ADAMTS20: variants seen among roughly 807,000 people sequenced by gnomAD.
The protein encoded by ADAMTS20 is A disintegrin and metalloproteinase with thrombospondin motifs 20.
Under a neutral mutation model 260.1 loss-of-function variants are expected in ADAMTS20, and 225 were observed. That is an observed-to-expected ratio of 0.87 (90% CI 0.78 to 0.97). The LOEUF (loss-of-function observed/expected upper bound fraction) is 0.97, where lower values mean the gene tolerates loss of function less well. Among genes scored for constraint, ADAMTS20 ranks in the 50% least tolerant of loss-of-function variants. The pLI is 0.00. For missense variants in ADAMTS20, 2,400 were observed against 2,337.7 expected, an observed-to-expected ratio of 1.03 and a Z score of -0.55; for synonymous variants, 802 against 769.5, an observed-to-expected ratio of 1.04 and a Z score of -0.70.
In ADAMTS20 at chr12:43,388,874, G is replaced by A. The variant is rs1305656038; in HGVS notation, c.4453-4897C>T. Reference sequence around the variant, plus strand: ...CTGGCAGATTCTACATCCAGTGAGAGTCCACTTTCTGGTTCCTACAGGGCA... The same window carrying A: ...CTGGCAGATTCTACATCCAGTGAGAATCCACTTTCTGGTTCCTACAGGGCA... On this transcript the variant is annotated intron_variant, in intron 29 of 38. Coordinates refer to ENST00000389420, the MANE Select transcript of ADAMTS20 (RefSeq NM_025003.5). Among the ~76,000 whole-genome samples, 5 of 152,204 alleles carry A rather than the reference G, an allele frequency of 3.3e-5. No homozygotes were observed. The East Asian group carries it at 9.6e-4, about 29-fold the overall frequency.
chr12:43,458,819 C>T (rs1942010880), intron 11 of ADAMTS20, among the ~76,000 whole-genome samples: 1 of 152,116 alleles, frequency 6.6e-6, no homozygotes, highest in South Asian at 2.1e-4. Context: ...GCTGGATTAC[C>T]TAGGCTGACT....
intron 29 of ADAMTS20, among the ~76,000 whole-genome samples, chr12:43,384,722 T>G (rs1413217518): frequency 6.6e-6 from 1 of 152,204 alleles, no homozygotes; most frequent in Admixed American, 6.5e-5. Flanking sequence ...TTTCTGTTCC[T>G]GTGTTAGTTT....
intron 5 of ADAMTS20, 48 bp from the exon 6 acceptor site, chr12:43,492,677 C>T: frequency 3.1e-6 from 5 of 1,597,988 alleles, no homozygotes; most frequent in Non-Finnish European, 4.3e-6. Flanking sequence ...TTAACGTCCT[C>T]TTTTCCTTCC....
chr12:43,419,983 A>G (rs762446076), intron 28 of ADAMTS20, among the ~76,000 whole-genome samples: 5 of 152,212 alleles, frequency 3.3e-5, no homozygotes, highest in Admixed American at 6.5e-5. Context: ...TTATTCTTTT[A>G]TGGTAGGGAA....
At chr12:43,445,463 A>C (rs1284563585) in intron 15 of ADAMTS20, among the ~76,000 whole-genome samples, 1 of 152,208 alleles carries the variant, frequency 6.6e-6, no homozygotes, top group African/African-American at 2.4e-5. Flanking sequence ...ATAAAAACAT[A>C]AATATTAAGT....
rs377652033 is a variant in ADAMTS20 at position 43,472,837 on chromosome 12, C to T, written c.1118-4132G>A. Among the ~76,000 whole-genome samples, 295 of 150,180 alleles carry T rather than the reference C, an allele frequency of 2.0e-3. 1 individual carries two copies. Among genetic ancestry groups the T allele is most frequent in the Middle Eastern group, 6.9e-3 (2 of 288 alleles). Reference sequence around the variant, plus strand: ...GCCCTAAAAGAGCTCCTGAAGGAAGCGCTAAACATGGAAAGGAACAACCGG... The same window carrying T: ...GCCCTAAAAGAGCTCCTGAAGGAAGTGCTAAACATGGAAAGGAACAACCGG... On this transcript the variant is annotated intron_variant, in intron 7 of 38. Coordinates refer to ENST00000389420, the MANE Select transcript of ADAMTS20 (RefSeq NM_025003.5).
rs146814389 is a variant in ADAMTS20, at chr12:43,478,318, A to G, written c.1118-9613T>C. On this transcript the variant is annotated intron_variant, in intron 7 of 38. Coordinates refer to ENST00000389420, the MANE Select transcript of ADAMTS20 (RefSeq NM_025003.5). ...CATAGCTAAAGAGAGAGCCAAATATACTAATTTATATTAGTAAAATGGAAA... is the reference window on the plus strand; with the variant it reads ...CATAGCTAAAGAGAGAGCCAAATATGCTAATTTATATTAGTAAAATGGAAA... Among the ~76,000 whole-genome samples the G allele has an allele frequency of 7.4e-3, 1,120 of 152,148 alleles. 18 individuals are homozygous for G. The highest frequency in any genetic ancestry group is 0.026 in the African/African-American group (1,096 of 41,556).
intron 3 of ADAMTS20, among the ~76,000 whole-genome samples, chr12:43,530,141 C>T (rs560299241): frequency 8.6e-5 from 13 of 151,994 alleles, no homozygotes; most frequent in African/African-American, 2.9e-4. Flanking sequence ...TTATTTGTAG[C>T]TTTCTAGTAA....
At chr12:43,545,405 C>A (rs1943429262) in intron 2 of ADAMTS20, among the ~76,000 whole-genome samples, 1 of 152,190 alleles carries the variant, frequency 6.6e-6, no homozygotes, top group Non-Finnish European at 1.5e-5. Context: ...CACGAGAAGT[C>A]CTTGAATTTT....
intron 31 of ADAMTS20, among the ~76,000 whole-genome samples, chr12:43,383,106 AG>A (rs1487558617): frequency 4.6e-5 from 7 of 152,056 alleles, no homozygotes; most frequent in South Asian, 2.1e-4. Flanking sequence ...GGGAAAAGAG[AG>A]GGGGGAAAGA....
At chr12:43,467,653 C>T (rs1942179169) in intron 8 of ADAMTS20, among the ~76,000 whole-genome samples, 2 of 152,044 alleles carry the variant, frequency 1.3e-5, no homozygotes, top group Non-Finnish European at 2.9e-5. Context: ...TGCCGCAATA[C>T]TTCTACTGTC....
chr12:43,413,259 C>A (rs984606630), intron 28 of ADAMTS20, among the ~76,000 whole-genome samples: 1 of 152,128 alleles, frequency 6.6e-6, no homozygotes, highest in African/African-American at 2.4e-5. Flanking sequence ...ACATCCCAAA[C>A]AGAATGATTA....
intron 37 of ADAMTS20, among the ~76,000 whole-genome samples, chr12:43,362,227 C>T (rs143516842): frequency 1.5e-4 from 23 of 152,262 alleles, no homozygotes; most frequent in African/African-American, 5.5e-4. Flanking sequence ...AAGGAAAAAA[C>T]TGTTCAGAAT....
chr12:43,375,234 C>G, intron 36 of ADAMTS20, 145 bp downstream of exon 36: 3 of 587,662 alleles, frequency 5.1e-6, no homozygotes, highest in Non-Finnish European at 8.0e-6. Flanking sequence ...AAGTATGTAG[C>G]TAACTGTTTT....
At chr12:43,408,246 G>C (rs1940956605) in intron 28 of ADAMTS20, among the ~76,000 whole-genome samples, 1 of 152,052 alleles carries the variant, frequency 6.6e-6, no homozygotes, top group South Asian at 2.1e-4. Context: ...ACCCCTGAGA[G>C]CCTACACCCA....
intron 36 of ADAMTS20, 58 bp from the exon 37 acceptor site, chr12:43,369,439 C>A: frequency 2.0e-6 from 2 of 1,001,110 alleles, no homozygotes; most frequent in South Asian, 5.6e-5. Context: ...TCGTTGTTGT[C>A]AAACACAGAG....
downstream of ADAMTS20, among the ~76,000 whole-genome samples, chr12:43,353,654 A>T (rs2047694): frequency 6.6e-6 from 1 of 151,738 alleles, no homozygotes; most frequent in East Asian, 1.9e-4. Flanking sequence ...AGCAAAAATT[A>T]AAGAAAAAAT....
intron 3 of ADAMTS20, among the ~76,000 whole-genome samples, chr12:43,531,304 G>A (rs926255482): frequency 6.6e-6 from 1 of 151,612 alleles, no homozygotes; most frequent in Non-Finnish European, 1.5e-5. Flanking sequence ...TGTTACTTAG[G>A]TTCAGGAATT....
chr12:43,470,702 G>A (rs1259196655), intron 7 of ADAMTS20, among the ~76,000 whole-genome samples: 1 of 152,152 alleles, frequency 6.6e-6, no homozygotes, highest in Non-Finnish European at 1.5e-5. Flanking sequence ...AACATATTTT[G>A]CAAAACATGG....
Sources: allele counts gnomAD v4.1 joint callset (sites outside exome capture counted in the v4.1 genomes callset), GRCh38; gene constraint gnomAD v4.1.1; transcripts MANE v1.5; gene names NCBI Gene and HGNC (gene_info 2026-07-23, HGNC 2026-07-21).